Variants in GSE1 observed in about 807,000 individuals in gnomAD.
GSE1 encodes the protein genetic suppressor element 1.
A neutral mutation model predicts 112.6 loss-of-function variants in GSE1; 32 were observed. The ratio of observed to expected loss-of-function variants is 0.28; its 90% CI spans 0.21 to 0.38. GSE1 has a LOEUF of 0.38. Ranked by LOEUF, GSE1 falls within the 10% of genes least tolerant of loss-of-function variation. The probability of loss-of-function intolerance (pLI) is 1.00; values close to 1 mark genes in which losing one functional copy is unlikely to be tolerated. For missense variants in GSE1, 2,348 were observed against 1,699.2 expected, an observed-to-expected ratio of 1.38 and a Z score of -6.71; for synonymous variants, 1,115 against 735.6, an observed-to-expected ratio of 1.52 and a Z score of -8.35.
At chr16:85,532,038 G>C (rs1019750909) in intron 2 of GSE1, among the ~76,000 whole-genome samples, 2 of 152,178 alleles carry the variant, frequency 1.3e-5, no homozygotes, top group African/African-American at 4.8e-5. Context: ...CTTCAGCACA[G>C]GGCTTGCTCT....
chr16:85,315,783 G>C (rs2045972727), intron 1 of GSE1, among the ~76,000 whole-genome samples: 1 of 152,260 alleles, frequency 6.6e-6, no homozygotes, highest in African/African-American at 2.4e-5. Context: ...CATCCGAAAT[G>C]AACTGGGCAC....
At chr16:85,599,151 C>CT in intron 1 of GSE1, among the ~76,000 whole-genome samples, 1 of 152,362 alleles carries the variant, frequency 6.6e-6, no homozygotes, top group East Asian at 1.9e-4. Context: ...AAAATTCCCC[C>CT]TTTGAGTTAC....
chr16:85,464,289 C>T (rs373341607), intron 2 of GSE1, among the ~76,000 whole-genome samples: 1 of 152,080 alleles, frequency 6.6e-6, no homozygotes, highest in African/African-American at 2.4e-5. Context: ...AAAACAAATC[C>T]CTGTCCATCA....
intron 1 of GSE1, among the ~76,000 whole-genome samples, chr16:85,587,646 G>C (rs2046770917): frequency 6.6e-6 from 1 of 152,188 alleles, no homozygotes; most frequent in Admixed American, 6.5e-5. Context: ...AGAGGCTGGA[G>C]TATGGGTTGC....
At chr16:85,316,064 A>G (rs560704814) in intron 1 of GSE1, among the ~76,000 whole-genome samples, 52 of 152,336 alleles carry the variant, frequency 3.4e-4, no homozygotes, top group African/African-American at 1.1e-3. Flanking sequence ...TGGACGGCAG[A>G]GGCCATCTGG....
chr16:85,345,666 C>T (rs9933677), intron 1 of GSE1, among the ~76,000 whole-genome samples: 37,497 of 152,090 alleles, frequency 0.25, 5,602 homozygotes, highest in East Asian at 0.42. Context: ...GCTGTTTGTC[C>T]TTATGGCACT....
chr16:85,503,478 G>C (rs1484240275), intron 2 of GSE1, among the ~76,000 whole-genome samples: 1 of 152,182 alleles, frequency 6.6e-6, no homozygotes. Context: ...AGCCAGGTCA[G>C]AGCCTCCACA....
chr16:85,520,104 T>C (rs73267273), intron 2 of GSE1, among the ~76,000 whole-genome samples: 2,887 of 152,304 alleles, frequency 0.019, 81 homozygotes, highest in African/African-American at 0.064. Flanking sequence ...ACTGCTTCAA[T>C]TTCTGGAGGC....
intron 1 of GSE1, among the ~76,000 whole-genome samples, chr16:85,605,985 C>G (rs1195611200): frequency 6.6e-6 from 1 of 152,106 alleles, no homozygotes; most frequent in Non-Finnish European, 1.5e-5. Flanking sequence ...CTGTTTCTGC[C>G]GTGGTTTCTG....
intron 2 of GSE1, among the ~76,000 whole-genome samples, chr16:85,361,456 C>T (rs1042612228): frequency 6.6e-6 from 1 of 152,226 alleles, no homozygotes; most frequent in Non-Finnish European, 1.5e-5. Context: ...AGCCCCGTCT[C>T]CCTCTTTCCA....
At chr16:85,202,296 C>T (rs1419212135) in intron 1 of GSE1, among the ~76,000 whole-genome samples, 1 of 152,260 alleles carries the variant, frequency 6.6e-6, no homozygotes. Context: ...GTTAGGGTCT[C>T]TGGGGACTTC....
chr16:85,294,693 A>AC (rs1328107373), intron 1 of GSE1, among the ~76,000 whole-genome samples: 2 of 14,008 alleles, frequency 1.4e-4, no homozygotes, highest in South Asian at 3.1e-3. Flanking sequence ...CTCCCTCCCC[A>AC]CCCCCCACCA....
At chr16:85,605,389 C>T (rs548985002) in intron 1 of GSE1, among the ~76,000 whole-genome samples, 3 of 152,176 alleles carry the variant, frequency 2.0e-5, no homozygotes, top group African/African-American at 7.2e-5. Flanking sequence ...TCTGGTCTGG[C>T]GCCGAGAAGT....
intron 1 of GSE1, among the ~76,000 whole-genome samples, chr16:85,226,661 A>C (rs1225394355): frequency 6.6e-6 from 1 of 152,106 alleles, no homozygotes; most frequent in Non-Finnish European, 1.5e-5. Context: ...GAGTCTGCAC[A>C]GGGGGCTCGG....
chr16:85,567,427 C>G (rs749219125), intron 1 of GSE1, among the ~76,000 whole-genome samples: 2 of 152,180 alleles, frequency 1.3e-5, no homozygotes, highest in Non-Finnish European at 2.9e-5. Context: ...TGCAGAGTCC[C>G]GAGTCGTCTG....
rs545431776 is a variant in GSE1 at position 85,201,323 on chromosome 16, A to G, written c.2283+29516A>G. ...TAGGCTCGAGTGATCCTTGCAACTC[A>G]TGTTTCCCTTTGGTGTTTTTTTTTT... On this transcript the variant is annotated intron_variant, in intron 1 of 2. Transcript: ENST00000637419. 1.0e-4 allele frequency among the ~76,000 whole-genome samples: 15 copies of G among 143,212 alleles called. No individual in the cohort carries two copies. The East Asian group carries it at 2.6e-3, about 25-fold the overall frequency. The allele number at this position is 143,212 out of a possible 152,430, so 94.0% of individuals were successfully genotyped here.
At chr16:85,241,851 C>G (rs4592642) in intron 1 of GSE1, among the ~76,000 whole-genome samples, 3 of 152,072 alleles carry the variant, frequency 2.0e-5, no homozygotes, top group Admixed American at 6.5e-5. Flanking sequence ...ATCTCATGGC[C>G]TACACAATAG....
chr16:85,563,826 T>G (rs769759273), intron 1 of GSE1, among the ~76,000 whole-genome samples: 4 of 152,246 alleles, frequency 2.6e-5, no homozygotes, highest in Non-Finnish European at 4.4e-5. Flanking sequence ...GGTCTCGTGG[T>G]CACCTCAGGC....
intron 2 of GSE1, among the ~76,000 whole-genome samples, chr16:85,484,501 C>T (rs1338970771): frequency 6.6e-6 from 1 of 152,270 alleles, no homozygotes; most frequent in Non-Finnish European, 1.5e-5. Context: ...GCGGAAACCA[C>T]AGAAGTGGCC....
Sources: allele counts gnomAD v4.1 joint callset (sites outside exome capture counted in the v4.1 genomes callset), GRCh38; gene constraint gnomAD v4.1.1; transcripts MANE v1.5; gene names NCBI Gene and HGNC (gene_info 2026-07-23, HGNC 2026-07-21).